The following ZBTB20 variants were observed in gnomAD, a reference collection of about 807,000 sequenced individuals.
ZBTB20 encodes the protein zinc finger and BTB domain containing 20, also known as zinc finger and BTB domain-containing protein 20.
A neutral mutation model predicts 56.9 loss-of-function variants in ZBTB20; 9 were observed. The ratio of observed to expected loss-of-function variants is 0.16; its 90% CI spans 0.10 to 0.28. The LOEUF is 0.28. ZBTB20 is among the 10% of genes least tolerant of loss of function. The pLI, the probability that ZBTB20 is intolerant of heterozygous loss-of-function variation, is 1.00. For synonymous variants in ZBTB20, 417 were observed against 420.7 expected, an observed-to-expected ratio of 0.99 and a Z score of 0.11; for missense variants, 655 against 1,003.0, an observed-to-expected ratio of 0.65 and a Z score of 4.69.
At chr3:114,821,404 A>T (rs548908241) in intron 4 of ZBTB20, among the ~76,000 whole-genome samples, 6 of 152,230 alleles carry the variant, frequency 3.9e-5, no homozygotes, top group African/African-American at 1.4e-4. Flanking sequence ...AGTATGTATG[A>T]CAGTCAAGCT....
chr3:114,794,311 T>C (rs1231827198), intron 5 of ZBTB20, among the ~76,000 whole-genome samples: 4 of 152,056 alleles, frequency 2.6e-5, no homozygotes, highest in Non-Finnish European at 5.9e-5. Context: ...GGTTTGTACA[T>C]AGACTCATCT....
intron 2 of ZBTB20, among the ~76,000 whole-genome samples, chr3:115,029,909 G>GCTTCTATTTCTTTT (rs2080594858): frequency 6.6e-6 from 1 of 150,786 alleles, no homozygotes; most frequent in Admixed American, 6.6e-5. Context: ...TAGAATATTT[G>GCTTCTATTTCTTTT]AACACATAAA....
intron 10 of ZBTB20, among the ~76,000 whole-genome samples, chr3:114,364,989 T>C (rs922211719): frequency 2.0e-5 from 3 of 152,164 alleles, no homozygotes; most frequent in African/African-American, 4.8e-5. Context: ...GCGCCTGGTG[T>C]GGTCTAAGAC....
intron 4 of ZBTB20, among the ~76,000 whole-genome samples, chr3:114,808,031 A>C (rs2072245875): frequency 6.6e-6 from 1 of 152,046 alleles, no homozygotes; most frequent in African/African-American, 2.4e-5. Flanking sequence ...TTCTTGCTCT[A>C]TTTCTAGAAA....
At position 114,351,373 on chromosome 3, in the gene ZBTB20, G is replaced by A. The variant is rs774765777; in HGVS notation, c.705C>T (p.His235=). 6.2e-7 allele frequency: 1 copy of A among 1,611,464 alleles called. No homozygotes were observed. Residue 235 remains histidine (H), a synonymous_variant, in exon 11 of 12, where the codon CAC becomes CAT. Coordinates refer to ENST00000675478, the MANE Select transcript of ZBTB20 (RefSeq NM_001348800.3). ...AGATCCTGTCCACGCTGTGCTGTGGGTGGCTCTGCAGGTAGCCCGACTCCG... is the reference window on the plus strand; with the variant it reads ...AGATCCTGTCCACGCTGTGCTGTGGATGGCTCTGCAGGTAGCCCGACTCCG... ...SDTESGYLQS[H]PQHSVDRIYS... is the part of the protein sequence containing the mutation.
At chr3:114,761,838 A>T (rs1449029771) in intron 5 of ZBTB20, among the ~76,000 whole-genome samples, 1 of 151,980 alleles carries the variant, frequency 6.6e-6, no homozygotes, top group Non-Finnish European at 1.5e-5. Flanking sequence ...CATCTCAAAA[A>T]AAAAGAAAAA....
chr3:114,606,923 C>A (rs187052056), intron 6 of ZBTB20, among the ~76,000 whole-genome samples: 2 of 152,070 alleles, frequency 1.3e-5, no homozygotes, highest in East Asian at 3.9e-4. Flanking sequence ...TGGTGAAACT[C>A]CGTCTTTACT....
At chr3:114,414,790 A>G (rs1347069543) in intron 7 of ZBTB20, among the ~76,000 whole-genome samples, 2 of 148,458 alleles carry the variant, frequency 1.3e-5, no homozygotes, top group East Asian at 3.9e-4. Context: ...AAAATACTAT[A>G]TATTTTATAT....
chr3:115,033,548 G>A (rs1320643913), intron 2 of ZBTB20, among the ~76,000 whole-genome samples: 1 of 151,618 alleles, frequency 6.6e-6, no homozygotes, highest in Non-Finnish European at 1.5e-5. Flanking sequence ...AAGGAAATCA[G>A]TATATCAAAG....
chr3:114,636,239 T>C (rs1256845117), intron 6 of ZBTB20, among the ~76,000 whole-genome samples: 1 of 152,100 alleles, frequency 6.6e-6, no homozygotes, highest in African/African-American at 2.4e-5. Flanking sequence ...TAGACAAACA[T>C]GCAGAGGGGT....
intron 7 of ZBTB20, among the ~76,000 whole-genome samples, chr3:114,491,454 G>A (rs996431315): frequency 1.3e-5 from 2 of 152,138 alleles, no homozygotes; most frequent in African/African-American, 4.8e-5. Context: ...GCAGGACCTT[G>A]CCCCTCAGTG....
rs76097100 is a variant in ZBTB20 at position 115,024,604 on chromosome 3, A to C, written c.-507+46615T>G. ...ACACTGGATATTAAAAGAGTAAAGC[A>C]TATACCTCACATCCCTCTTGCATTT... is the stretch of plus-strand genomic sequence containing the variant. On this transcript the variant is annotated intron_variant, in intron 2 of 11. Coordinates refer to ENST00000675478, the MANE Select transcript of ZBTB20 (RefSeq NM_001348800.3). Among the ~76,000 whole-genome samples the C allele has an allele frequency of 1.6e-3, 236 of 151,266 alleles. 4 individuals carry two copies. In the East Asian group the frequency reaches 0.034, roughly 22 times the overall value.
At chr3:114,574,672 G>A (rs2053814383) in intron 6 of ZBTB20, among the ~76,000 whole-genome samples, 1 of 152,092 alleles carries the variant, frequency 6.6e-6, no homozygotes, top group Non-Finnish European at 1.5e-5. Flanking sequence ...CTGAATGATG[G>A]CATCATGTCT....
intron 2 of ZBTB20, among the ~76,000 whole-genome samples, chr3:115,022,577 ATAGT>A (rs1204701961): frequency 1.3e-5 from 2 of 151,216 alleles, no homozygotes; most frequent in East Asian, 3.9e-4. Flanking sequence ...CCTGGCCTGT[ATAGT>A]TATAGAAATC....
intron 6 of ZBTB20, among the ~76,000 whole-genome samples, chr3:114,657,006 C>T (rs917553256): frequency 2.0e-5 from 3 of 152,148 alleles, no homozygotes; most frequent in African/African-American, 4.8e-5. Context: ...TCCTTGTCTA[C>T]AACTTCTGAA....
At chr3:114,701,207 G>A (rs938444404) in intron 5 of ZBTB20, among the ~76,000 whole-genome samples, 2 of 152,178 alleles carry the variant, frequency 1.3e-5, no homozygotes, top group Non-Finnish European at 2.9e-5. Flanking sequence ...GCAACACCGT[G>A]TTGAAAAATC....
intron 4 of ZBTB20, among the ~76,000 whole-genome samples, chr3:114,812,735 C>T (rs897967464): frequency 3.9e-5 from 6 of 152,328 alleles, no homozygotes; most frequent in African/African-American, 1.2e-4. Context: ...GACTGGGCGC[C>T]GTGGAGCAGA....
chr3:114,720,202 A>T (rs2064817356), intron 5 of ZBTB20, among the ~76,000 whole-genome samples: 1 of 149,466 alleles, frequency 6.7e-6, no homozygotes, highest in Admixed American at 6.7e-5. Context: ...ACATGAATAC[A>T]TGCTTATTGG....
At chr3:114,400,155 T>C (rs1431188332) in intron 7 of ZBTB20, among the ~76,000 whole-genome samples, 1 of 152,154 alleles carries the variant, frequency 6.6e-6, no homozygotes, top group African/African-American at 2.4e-5. Context: ...AGATCTGCCT[T>C]GTCTTCCTGG....
Sources: allele counts gnomAD v4.1 joint callset (sites outside exome capture counted in the v4.1 genomes callset), GRCh38; gene constraint gnomAD v4.1.1; transcripts MANE v1.5; gene names NCBI Gene and HGNC (gene_info 2026-07-23, HGNC 2026-07-21).